CNTNAP5: variants seen among roughly 807,000 people sequenced by gnomAD.
CNTNAP5 encodes the protein contactin associated protein family member 5, also known as contactin-associated protein-like 5.
In CNTNAP5, 72 loss-of-function variants were observed where a neutral mutation model predicts 150.2. The observed-to-expected ratio is 0.48, with a 90% CI of 0.40 to 0.58. The LOEUF (loss-of-function observed/expected upper bound fraction) is 0.58. Among genes scored for constraint, CNTNAP5 ranks in the 20% least tolerant of loss-of-function variants. The pLI, the probability that CNTNAP5 is intolerant of heterozygous loss-of-function variation, is 0.00. For missense variants in CNTNAP5, 1,636 were observed against 1,626.2 expected (o/e 1.01, Z -0.10); for synonymous variants, 672 against 619.8 (o/e 1.08, Z -1.25).
rs772412223 is a variant in CNTNAP5, at chr2:124,419,152, A to AAAAAAAAAAAAAAAAAC, written c.529+1573_529+1574insAAAAACAAAAAAAAAAA. Among the ~76,000 whole-genome samples the AAAAAAAAAAAAAAAAAC allele has an allele frequency of 4.1e-5, 5 of 120,994 alleles. 1 individual carries two copies. Among genetic ancestry groups the AAAAAAAAAAAAAAAAAC allele is most frequent in the African/African-American group, 5.7e-5 (2 of 35,216 alleles). The allele number at this position is 120,994 out of a possible 152,430, so 79.4% of individuals were successfully genotyped here. On this transcript the variant is annotated intron_variant, in intron 4 of 23. Coordinates refer to ENST00000682447, the MANE Select transcript of CNTNAP5 (RefSeq NM_001367498.1). ...CGAGACTCCTTCTCAAAAAAAAAAA[A>AAAAAAAAAAAAAAAAAC]AAAAAAAAAAACAGTATGAAGCTTT...
intron 1 of CNTNAP5, among the ~76,000 whole-genome samples, chr2:124,121,972 C>A (rs1683572884): frequency 6.6e-6 from 1 of 152,152 alleles, no homozygotes; most frequent in Non-Finnish European, 1.5e-5. Context: ...TTTGTATGTT[C>A]ATTTTTCCTC....
intron 1 of CNTNAP5, among the ~76,000 whole-genome samples, chr2:124,046,805 C>T (rs1681551194): frequency 6.6e-6 from 1 of 152,144 alleles, no homozygotes; most frequent in African/African-American, 2.4e-5. Flanking sequence ...ACTGACATGC[C>T]TCAACATCCC....
intron 10 of CNTNAP5, among the ~76,000 whole-genome samples, chr2:124,541,921 T>C (rs75460803): frequency 7.6e-4 from 115 of 152,292 alleles, no homozygotes; most frequent in African/African-American, 2.6e-3. Context: ...CTCCATGTCA[T>C]AGTGGATTCC....
At chr2:124,313,795 G>A (rs775366405) in intron 3 of CNTNAP5, among the ~76,000 whole-genome samples, 17 of 152,264 alleles carry the variant, frequency 1.1e-4, no homozygotes, top group Middle Eastern at 6.8e-3. Context: ...AGGGCAGGCA[G>A]GGGGAGTGAT....
chr2:124,378,024 T>C (rs565356752), intron 3 of CNTNAP5, among the ~76,000 whole-genome samples: 1 of 152,214 alleles, frequency 6.6e-6, no homozygotes, highest in South Asian at 2.1e-4. Context: ...GTTTAAGAAC[T>C]TCTACTTACT....
At position 124,527,356 on chromosome 2, in the gene CNTNAP5, A is replaced by G; in HGVS notation, c.1549A>G (p.Ile517Val). 6.2e-7 allele frequency: 1 copy of G among 1,613,700 alleles called. No individual in the cohort carries two copies. Among genetic ancestry groups the G allele is most frequent in the Non-Finnish European group, 8.5e-7 (1 of 1,179,654 alleles). Reference protein sequence around the residue: ...IKAFQGCMRLIFIDNQPKDLI... With the variant: ...IKAFQGCMRLVFIDNQPKDLI... ...GGCTTTCCAAGGCTGCATGAGGCTC[A>G]TCTTTATTGATAACCAGCCCAAGGA... The change falls in exon 10 of 24, where the codon ATC becomes GTC. Residue 517 changes from isoleucine to valine, a missense_variant. Ile to Val is a conservative substitution (Grantham distance 29). Coordinates refer to ENST00000682447, the MANE Select transcript of CNTNAP5 (RefSeq NM_001367498.1).
chr2:124,269,165 C>T (rs1322016111), intron 3 of CNTNAP5, among the ~76,000 whole-genome samples: 4 of 152,110 alleles, frequency 2.6e-5, no homozygotes, highest in Admixed American at 6.6e-5. Context: ...ATATTTTATC[C>T]ACTCTACTTT....
At chr2:124,749,776 C>T (rs1680685597) in intron 14 of CNTNAP5, among the ~76,000 whole-genome samples, 1 of 152,146 alleles carries the variant, frequency 6.6e-6, no homozygotes, top group South Asian at 2.1e-4. Context: ...TCCTTTACCC[C>T]TTTCTTTATA....
In CNTNAP5 at chr2:124,221,775, C is replaced by T. The variant is rs1452642559; in HGVS notation, c.153C>T (p.Gly51=). The T allele has an allele frequency of 6.2e-7, 1 of 1,610,734 alleles. No homozygotes were observed. Among genetic ancestry groups the T allele is most frequent in the Admixed American group, 1.7e-5 (1 of 59,704 alleles). Reference sequence around the variant, plus strand: ...TTTCCAGTTCCTCAGACCTCACTGGCACTCACAGCCCAGCTCAACTCAACT... The same window carrying T: ...TTTCCAGTTCCTCAGACCTCACTGGTACTCACAGCCCAGCTCAACTCAACT... ...MAFSSSSDLT[G]THSPAQLNWR... Residue 51 remains glycine, a synonymous_variant, in exon 2 of 24, where the codon GGC becomes GGT. Transcript: ENST00000682447.
intron 19 of CNTNAP5, among the ~76,000 whole-genome samples, chr2:124,819,835 C>A (rs1479527783): frequency 6.6e-6 from 1 of 152,172 alleles, no homozygotes; most frequent in Non-Finnish European, 1.5e-5. Flanking sequence ...CCATATGTCC[C>A]TCAGGCTTTC....
intron 17 of CNTNAP5, among the ~76,000 whole-genome samples, chr2:124,774,365 G>A (rs1427467304): frequency 6.6e-6 from 1 of 152,032 alleles, no homozygotes; most frequent in Admixed American, 6.6e-5. Context: ...AATCACACCA[G>A]CTAAAAGAAA....
intron 1 of CNTNAP5, among the ~76,000 whole-genome samples, chr2:124,161,542 T>C (rs552229017): frequency 6.6e-6 from 1 of 152,278 alleles, no homozygotes; most frequent in East Asian, 1.9e-4. Flanking sequence ...GATTTATTGA[T>C]AGGAGGAGAT....
chr2:124,561,438 G>A (rs1695890021), intron 10 of CNTNAP5, among the ~76,000 whole-genome samples: 2 of 152,130 alleles, frequency 1.3e-5, no homozygotes, highest in Non-Finnish European at 2.9e-5. Flanking sequence ...TTACCCAAGA[G>A]AAAAGCCTGT....
At chr2:124,607,470 A>G (rs1677274820) in intron 11 of CNTNAP5, among the ~76,000 whole-genome samples, 1 of 152,134 alleles carries the variant, frequency 6.6e-6, no homozygotes, top group African/African-American at 2.4e-5. Flanking sequence ...TGGAAATGGT[A>G]TCTACCACAC....
chr2:124,388,733 C>T (rs1229009168), intron 3 of CNTNAP5, among the ~76,000 whole-genome samples: 2 of 151,948 alleles, frequency 1.3e-5, no homozygotes, highest in African/African-American at 2.4e-5. Context: ...CCTGCTCTGT[C>T]GCCCGGAGTG....
At chr2:124,178,819 C>T (rs11902656) in intron 1 of CNTNAP5, among the ~76,000 whole-genome samples, 35,751 of 151,992 alleles carry the variant, frequency 0.24, 4,624 homozygotes, top group African/African-American at 0.34. Flanking sequence ...CTCATTATCA[C>T]AGACTTCATA....
At chr2:124,323,900 AAGG>A (rs1226339112) in intron 3 of CNTNAP5, among the ~76,000 whole-genome samples, 1 of 151,998 alleles carries the variant, frequency 6.6e-6, no homozygotes, top group Non-Finnish European at 1.5e-5. Context: ...TTGTGTGTGA[AAGG>A]AGAAATAGAG....
intron 19 of CNTNAP5, among the ~76,000 whole-genome samples, chr2:124,864,276 G>A (rs1252533003): frequency 1.3e-5 from 2 of 152,106 alleles, no homozygotes; most frequent in Non-Finnish European, 2.9e-5. Context: ...ACATAGAGAT[G>A]TTTCAATACA....
At chr2:124,592,476 A>G (rs1035429999) in intron 11 of CNTNAP5, among the ~76,000 whole-genome samples, 4 of 151,830 alleles carry the variant, frequency 2.6e-5, no homozygotes, top group African/African-American at 9.7e-5. Context: ...ATGAGTGACC[A>G]CTCATAGAAA....
Sources: gnomAD v4.1 joint callset for allele counts (sites outside exome capture counted in the v4.1 genomes callset) on GRCh38, gnomAD v4.1.1 for gene constraint, MANE v1.5 for transcripts, NCBI Gene and HGNC (gene_info 2026-07-23, HGNC 2026-07-21) for gene names.